MRRF: variants seen among roughly 807,000 people sequenced by gnomAD.
MRRF encodes the protein mitochondrial ribosome recycling factor, also known as ribosome-recycling factor, mitochondrial.
Under a neutral mutation model 25.1 loss-of-function variants are expected in MRRF, and 18 were observed. The ratio of observed to expected loss-of-function variants is 0.72; its 90% CI spans 0.50 to 1.06. The LOEUF is 1.06. MRRF is among the 50% of genes least tolerant of loss of function. The probability of loss-of-function intolerance (pLI) is 0.00; values close to 1 mark genes in which losing one functional copy is unlikely to be tolerated. For synonymous variants in MRRF, 113 were observed against 112.1 expected, an observed-to-expected ratio of 1.01 and a Z score of -0.05; for missense variants, 323 against 319.3, an observed-to-expected ratio of 1.01 and a Z score of -0.09.
At chr9:122,285,110 T>G in intron 3 of MRRF, 59 bp from the exon 4 acceptor site, 1 of 1,066,336 alleles carries the variant, frequency 9.4e-7, no homozygotes, top group Non-Finnish European at 1.5e-6. Flanking sequence ...TAGATAGGAC[T>G]TAGATTTGGG....
At chr9:122,304,997 C>CA (rs1337035593) in intron 5 of MRRF, among the ~76,000 whole-genome samples, 1 of 151,864 alleles carries the variant, frequency 6.6e-6, no homozygotes, top group African/African-American at 2.4e-5. Flanking sequence ...GGCTGGGGTG[C>CA]AGTGGCATGA....
intron 1 of MRRF, among the ~76,000 whole-genome samples, chr9:122,266,784 G>C (rs954329866): frequency 6.6e-6 from 1 of 152,182 alleles, no homozygotes; most frequent in African/African-American, 2.4e-5. Context: ...AAGAATGTGT[G>C]CTTCAAGTAG....
intron 5 of MRRF, among the ~76,000 whole-genome samples, chr9:122,299,240 C>G (rs746884114): frequency 6.6e-6 from 1 of 150,988 alleles, no homozygotes; most frequent in Non-Finnish European, 1.5e-5. Flanking sequence ...CAAAAATTAC[C>G]CAGGCATGGT....
At chr9:122,291,211 G>A (rs1419951096) in intron 4 of MRRF, among the ~76,000 whole-genome samples, 1 of 152,206 alleles carries the variant, frequency 6.6e-6, no homozygotes, top group East Asian at 1.9e-4. Context: ...CTTTAAGCTA[G>A]TATACCACAC....
intron 3 of MRRF, among the ~76,000 whole-genome samples, chr9:122,281,713 G>T (rs1295496005): frequency 1.3e-5 from 2 of 152,234 alleles, no homozygotes; most frequent in African/African-American, 2.4e-5. Flanking sequence ...AGCAGTTTGA[G>T]AGGAGCTCAG....
intron 3 of MRRF, 121 bp from the exon 4 acceptor site, chr9:122,285,048 C>T: frequency 2.8e-6 from 2 of 727,126 alleles, no homozygotes; most frequent in Non-Finnish European, 5.0e-6. Flanking sequence ...ACTTCACTCC[C>T]AAAGCTCTGG....
rs779926298 is a variant in MRRF at position 122,270,616 on chromosome 9, GT to G, written c.-28-245del. On this transcript the variant is annotated intron_variant, in intron 1 of 6. Coordinates refer to ENST00000344641, the MANE Select transcript of MRRF (RefSeq NM_138777.5). ...TTTGGTGCAGTGGAAAGAGCTTGGG[GT>G]TTGGAGTCCAAAGTGGGGAAGTTCC... Among the ~76,000 whole-genome samples, 14 of 152,316 alleles carry G rather than the reference GT, an allele frequency of 9.2e-5. No homozygotes were observed. In the South Asian group the frequency reaches 1.7e-3, roughly 18 times the overall value.
chr9:122,282,479 A>C (rs1446338876), intron 3 of MRRF, among the ~76,000 whole-genome samples: 1 of 152,232 alleles, frequency 6.6e-6, no homozygotes, highest in Non-Finnish European at 1.5e-5. Flanking sequence ...GTAAACCAAC[A>C]TGTATAAAAC....
rs766453142 is a variant in MRRF, at chr9:122,286,295, A to C, written c.459+1008A>C. 7.3e-5 allele frequency: 69 copies of C among 943,810 alleles called. 1 individual carries two copies. The highest frequency in any genetic ancestry group is 9.6e-5 in the Non-Finnish European group (68 of 708,544). The allele number at this position is 943,810 out of a possible 1,614,324, so 58.5% of individuals were successfully genotyped here. Reference sequence around the variant, plus strand: ...GAGAAAGGGAAAGCCCTTGCTGTGAACACACTGTTTCAAATCAAAGGGCTC... The same window carrying C: ...GAGAAAGGGAAAGCCCTTGCTGTGACCACACTGTTTCAAATCAAAGGGCTC... On this transcript the variant is annotated intron_variant, in intron 4 of 6. Coordinates refer to ENST00000344641, the MANE Select transcript of MRRF (RefSeq NM_138777.5).
rs1836185120 is a variant in MRRF at position 122,327,982 on chromosome 9, T to G, written c.*5365T>G. On this transcript the variant is annotated 3_prime_UTR_variant, in exon 7 of 7. Transcript: ENST00000344641. Reference sequence around the variant, plus strand: ...AAAATTTACTCTCTTAACCATGTTTTTTTTTTAGACAGGGTCTTGCTCTGT... The same window carrying G: ...AAAATTTACTCTCTTAACCATGTTTGTTTTTTAGACAGGGTCTTGCTCTGT... The G allele has an allele frequency of 6.6e-6, 1 of 152,154 alleles. No individual in the cohort carries two copies. Among genetic ancestry groups the G allele is most frequent in the Non-Finnish European group, 1.5e-5 (1 of 68,040 alleles). The allele number at this position is 152,154 out of a possible 1,614,324, so 9.4% of individuals were successfully genotyped here.
In MRRF at chr9:122,325,304, TCAGA is replaced by T. The variant is rs1203598732; in HGVS notation, c.*2691_*2694del. 3.9e-5 allele frequency: 6 copies of T among 152,290 alleles called. No homozygotes were observed. Among genetic ancestry groups the T allele is most frequent in the Non-Finnish European group, 7.3e-5 (5 of 68,028 alleles). The allele number at this position is 152,290 out of a possible 1,614,324, so 9.4% of individuals were successfully genotyped here. A position where few individuals can be genotyped will look rare whatever the true frequency, so the allele number is the denominator to read the frequency against. ...AAGGAAAACCTCGAGCCCAGGGCAG[TCAGA>T]CAGCTCAGCAAATGGCTTTCAGATG... is the stretch of plus-strand genomic sequence containing the variant. On this transcript the variant is annotated 3_prime_UTR_variant, in exon 7 of 7. Transcript: ENST00000344641.
chr9:122,306,367 T>C (rs1360797390), intron 5 of MRRF, among the ~76,000 whole-genome samples: 1 of 152,162 alleles, frequency 6.6e-6, no homozygotes, highest in Non-Finnish European at 1.5e-5. Flanking sequence ...ATCCTCACAA[T>C]AATTAAGTTG....
At chr9:122,283,114 G>A (rs1289967802) in intron 3 of MRRF, among the ~76,000 whole-genome samples, 1 of 144,798 alleles carries the variant, frequency 6.9e-6, no homozygotes, top group African/African-American at 2.6e-5. Context: ...TTTTTTTGGA[G>A]TCAGAGTCTT....
intron 5 of MRRF, among the ~76,000 whole-genome samples, chr9:122,307,126 A>T (rs1258814678): frequency 6.6e-6 from 1 of 152,086 alleles, no homozygotes; most frequent in African/African-American, 2.4e-5. Flanking sequence ...AAACAAAAAC[A>T]TTTCCGTCAG....
At chr9:122,299,043 C>G (rs1479384299) in intron 5 of MRRF, among the ~76,000 whole-genome samples, 1 of 151,882 alleles carries the variant, frequency 6.6e-6, no homozygotes, top group Non-Finnish European at 1.5e-5. Flanking sequence ...CTGGGATGTT[C>G]AAGGAACAGC....
chr9:122,285,143 C>T, intron 3 of MRRF, 26 bp from the exon 4 acceptor site: 1 of 1,480,978 alleles, frequency 6.8e-7, no homozygotes, highest in Non-Finnish European at 9.4e-7. Flanking sequence ...CTTTGGAATT[C>T]TAAAACTCTG....
chr9:122,303,546 A>C (rs149896879), intron 5 of MRRF, among the ~76,000 whole-genome samples: 10 of 151,836 alleles, frequency 6.6e-5, no homozygotes, highest in African/African-American at 2.4e-4. Flanking sequence ...AGCCTGGCTA[A>C]TTTTTAAATT....
chr9:122,295,993 A>G (rs1834060444), intron 5 of MRRF, among the ~76,000 whole-genome samples: 1 of 152,214 alleles, frequency 6.6e-6, no homozygotes, highest in Non-Finnish European at 1.5e-5. Flanking sequence ...GTGACTCTTA[A>G]CTATAATCTG....
intron 5 of MRRF, among the ~76,000 whole-genome samples, chr9:122,308,564 T>C (rs1227396919): frequency 6.6e-6 from 1 of 151,556 alleles, no homozygotes; most frequent in African/African-American, 2.4e-5. Flanking sequence ...CCAGGCATGG[T>C]GGCTTGTGAC....
Sources: gnomAD v4.1 joint callset for allele counts (sites outside exome capture counted in the v4.1 genomes callset) on GRCh38, gnomAD v4.1.1 for gene constraint, MANE v1.5 for transcripts, NCBI Gene and HGNC (gene_info 2026-07-23, HGNC 2026-07-21) for gene names.